LMCD1: variants seen among roughly 807,000 people sequenced by gnomAD.
LMCD1 encodes the protein LIM and cysteine rich domains 1.
Under a neutral mutation model 42.7 loss-of-function variants are expected in LMCD1, and 32 were observed. The ratio of observed to expected loss-of-function variants is 0.75; its 90% CI spans 0.57 to 1.01. LMCD1 has a LOEUF of 1.01. LMCD1 is among the 50% of genes least tolerant of loss of function. LMCD1 has a pLI of 0.00. For synonymous variants in LMCD1, 178 were observed against 184.9 expected (o/e 0.96, Z 0.30); for missense variants, 458 against 483.1 (o/e 0.95, Z 0.49).
chr3:8,508,313 C>T (rs541784667), intron 1 of LMCD1, among the ~76,000 whole-genome samples: 5 of 152,114 alleles, frequency 3.3e-5, no homozygotes, highest in African/African-American at 1.2e-4. Context: ...CATGACCAAG[C>T]CAAACATGGC....
At chr3:8,549,949 G>C (rs1303148954) in intron 4 of LMCD1, 4 of 1,045,848 alleles carry the variant, frequency 3.8e-6, no homozygotes, top group Non-Finnish European at 5.7e-6. Context: ...GAGGACCTGA[G>C]CCCTCACGAC....
At chr3:8,539,144 A>G (rs1209695201) in intron 3 of LMCD1, among the ~76,000 whole-genome samples, 2 of 152,238 alleles carry the variant, frequency 1.3e-5, no homozygotes, top group South Asian at 2.1e-4. Context: ...TCACTCTGCA[A>G]TAAGTAAAAA....
intron 1 of LMCD1, among the ~76,000 whole-genome samples, chr3:8,517,977 C>A (rs980060514): frequency 1.3e-5 from 2 of 151,846 alleles, no homozygotes; most frequent in Non-Finnish European, 2.9e-5. Flanking sequence ...TTCAAAGCAT[C>A]TTACGTACAT....
rs1461477643 is a variant in LMCD1 at position 8,570,776 on chromosome 3, G to A, written c.*3178G>A. The A allele has an allele frequency of 1.3e-5, 2 of 152,070 alleles. No individual in the cohort carries two copies. The highest frequency in any genetic ancestry group is 2.9e-5 in the Non-Finnish European group (2 of 67,996). 9.4% of individuals were successfully genotyped at this position (152,070 alleles called of 1,614,324 possible). On this transcript the variant is annotated 3_prime_UTR_variant, in exon 6 of 6. Transcript: ENST00000157600. ...TCAGGGGCTCCCTGTTGCACACACA[G>A]AAAAAAATTGAAACTGTTTTACCTT...
At chr3:8,558,459 T>G (rs1228985489) in intron 4 of LMCD1, among the ~76,000 whole-genome samples, 1 of 152,248 alleles carries the variant, frequency 6.6e-6, no homozygotes, top group South Asian at 2.1e-4. Context: ...TTTGTTCTAT[T>G]TCTGAAAGGT....
chr3:8,512,021 G>A (rs1330987136), intron 1 of LMCD1, among the ~76,000 whole-genome samples: 2 of 152,190 alleles, frequency 1.3e-5, no homozygotes, highest in African/African-American at 4.8e-5. Context: ...GAACACACAC[G>A]TATGTGCACA....
chr3:8,531,554 C>T (rs1160295808), intron 1 of LMCD1, among the ~76,000 whole-genome samples: 2 of 152,122 alleles, frequency 1.3e-5, no homozygotes, highest in Admixed American at 6.5e-5. Context: ...GGCTAGGCAG[C>T]CAATAAGTTA....
Position 8,553,057 on chromosome 3 carries a change from C to A in LMCD1, c.723+4154C>A, listed in dbSNP as rs185006111. Among the ~76,000 whole-genome samples, 16 of 152,326 alleles carry A rather than the reference C, an allele frequency of 1.1e-4. No homozygotes were observed. In the East Asian group the frequency reaches 3.1e-3, roughly 29 times the overall value. On this transcript the variant is annotated intron_variant, in intron 4 of 5. Transcript: ENST00000157600. ...AGCGAGCCCACCTTTGAGAATACTGCATAACCCTCCCTGTTCCTGGAGAGC... is the reference window on the plus strand; with the variant it reads ...AGCGAGCCCACCTTTGAGAATACTGAATAACCCTCCCTGTTCCTGGAGAGC...
chr3:8,570,890 G>A lies in LMCD1; in HGVS notation c.*3292G>A, dbSNP rs355132. On this transcript the variant is annotated 3_prime_UTR_variant, in exon 6 of 6. Coordinates refer to ENST00000157600, the MANE Select transcript of LMCD1 (RefSeq NM_014583.4). ...CAAATGGGCAGTTTACAGTCACAGT[G>A]TGTGCCCCTGCTTTCCTCACCTCTG... 111,457 of 152,140 alleles carry A rather than the reference G, an allele frequency of 0.73. 41,448 individuals are homozygous for A. Among genetic ancestry groups the A allele is most frequent in the Admixed American group, 0.79 (12,156 of 15,298 alleles). The allele number at this position is 152,140 out of a possible 1,614,324, so 9.4% of individuals were successfully genotyped here. A position where few individuals can be genotyped will look rare whatever the true frequency, so the allele number is the denominator to read the frequency against.
intron 4 of LMCD1, among the ~76,000 whole-genome samples, chr3:8,558,950 C>T (rs11131133): frequency 0.13 from 20,272 of 151,928 alleles, 1,849 homozygotes; most frequent in East Asian, 0.38. Flanking sequence ...GAGGTGGTGG[C>T]GGTGGGGGAG....
Position 8,571,961 on chromosome 3 carries a change from G to A in LMCD1, c.*4363G>A, listed in dbSNP as rs1159654915. 1.3e-5 allele frequency: 2 copies of A among 152,172 alleles called. No homozygotes were observed. Among genetic ancestry groups the A allele is most frequent in the East Asian group, 1.9e-4 (1 of 5,204 alleles). 9.4% of individuals were successfully genotyped at this position (152,172 alleles called of 1,614,324 possible). On this transcript the variant is annotated 3_prime_UTR_variant, in exon 6 of 6. Coordinates refer to ENST00000157600, the MANE Select transcript of LMCD1 (RefSeq NM_014583.4). ...CAACCATCAAAATCAGGAAGTTAAC[G>A]CTGATGTGTTTCTACCATGTAATCC...
rs973202385 is a variant in LMCD1, at chr3:8,548,638, G to A, written c.458G>A (p.Arg153His). 1.4e-5 allele frequency: 22 copies of A among 1,613,948 alleles called. No individual in the cohort carries two copies. Among genetic ancestry groups the A allele is most frequent in the Middle Eastern group, 1.6e-4 (1 of 6,084 alleles). The part of the protein sequence containing the change: ...PVTGTEGAFY[R>H]RRQLMHQLPI... Reference sequence around the variant, plus strand: ...ACAGGCACAGAGGGTGCCTTTTACCGCCGCCGCCAGCTCATGCACCAGCTC... The same window carrying A: ...ACAGGCACAGAGGGTGCCTTTTACCACCGCCGCCAGCTCATGCACCAGCTC... The change falls in exon 4 of 6, where the codon CGC becomes CAC. Residue 153 changes from arginine to histidine, a missense_variant. Coordinates refer to ENST00000157600, the MANE Select transcript of LMCD1 (RefSeq NM_014583.4).
At chr3:8,539,839 T>C (rs1393639309) in intron 3 of LMCD1, among the ~76,000 whole-genome samples, 1 of 146,148 alleles carries the variant, frequency 6.8e-6, no homozygotes, top group Non-Finnish European at 1.5e-5. Flanking sequence ...TTATTATTAT[T>C]GTACTTTAAG....
In LMCD1 at chr3:8,567,544, C is replaced by T. The variant is rs775354116; in HGVS notation, c.1044C>T (p.Ile348=). 20 of 1,613,750 alleles carry T rather than the reference C, an allele frequency of 1.2e-5. No individual in the cohort carries two copies. The highest frequency in any genetic ancestry group is 3.3e-4 in the Middle Eastern group (2 of 6,062). ...AGCTGCTGAGCGGCCGGGCGTACAT[C>T]GTCACCAAGGGTCAGCTTCTGTGCC... ...CEQLLSGRAY[I]VTKGQLLCPT... Residue 348 remains isoleucine, a synonymous_variant, in exon 6 of 6, where the codon ATC becomes ATT. Coordinates refer to ENST00000157600, the MANE Select transcript of LMCD1 (RefSeq NM_014583.4).
chr3:8,503,422 A>G (rs1244353048), intron 1 of LMCD1, among the ~76,000 whole-genome samples: 2 of 152,222 alleles, frequency 1.3e-5, no homozygotes, highest in Non-Finnish European at 2.9e-5. Flanking sequence ...GCATTTGCCA[A>G]GCTATTTGCA....
chr3:8,502,989 G>A (rs548468593), intron 1 of LMCD1, among the ~76,000 whole-genome samples: 1 of 152,230 alleles, frequency 6.6e-6, no homozygotes, highest in East Asian at 1.9e-4. Context: ...CTTTTTAACT[G>A]CACATGATTC....
Position 8,574,110 on chromosome 3 carries a change from A to C in LMCD1, c.*6512A>C, listed in dbSNP as rs1473876009. 1 of 152,188 alleles carries C rather than the reference A, an allele frequency of 6.6e-6. No homozygotes were observed. The highest frequency in any genetic ancestry group is 2.4e-5 in the African/African-American group (1 of 41,458). 9.4% of individuals were successfully genotyped at this position (152,188 alleles called of 1,614,324 possible). A position where few individuals can be genotyped will look rare whatever the true frequency, so the allele number is the denominator to read the frequency against. ...CCAGATAGTCATAAACACAGCCACCAGTGGCAGCTGGGCTCACTTTTGTCC... is the reference window on the plus strand; with the variant it reads ...CCAGATAGTCATAAACACAGCCACCCGTGGCAGCTGGGCTCACTTTTGTCC... On this transcript the variant is annotated 3_prime_UTR_variant, in exon 6 of 6. Coordinates refer to ENST00000157600, the MANE Select transcript of LMCD1 (RefSeq NM_014583.4).
intron 4 of LMCD1, among the ~76,000 whole-genome samples, chr3:8,554,594 C>T (rs1402630405): frequency 1.3e-5 from 2 of 152,066 alleles, no homozygotes; most frequent in Admixed American, 6.5e-5. Context: ...AGGGAGCTGC[C>T]GACTCCAGCA....
Position 8,567,432 on chromosome 3 carries a change from C to T in LMCD1, c.940-8C>T, listed in dbSNP as rs1382958468. On this transcript the variant is annotated splice_region_variant and splice_polypyrimidine_tract_variant and intron_variant, in intron 5 of 5. Coordinates refer to ENST00000157600, the MANE Select transcript of LMCD1 (RefSeq NM_014583.4). ...TGAGTCATGCATTTCTCCTGCTCCC[C>T]TCCCCAGATAATATTCGCTGAGGAC... is the stretch of plus-strand genomic sequence containing the variant. The T allele has an allele frequency of 1.2e-6, 2 of 1,613,198 alleles. No individual in the cohort carries two copies. The highest frequency in any genetic ancestry group is 1.7e-6 in the Non-Finnish European group (2 of 1,179,412).
Sources: gnomAD v4.1 joint callset for allele counts (sites outside exome capture counted in the v4.1 genomes callset) on GRCh38, gnomAD v4.1.1 for gene constraint, MANE v1.5 for transcripts, NCBI Gene and HGNC (gene_info 2026-07-23, HGNC 2026-07-21) for gene names.